ENOX1: variants seen among roughly 807,000 people sequenced by gnomAD.
ENOX1 encodes the protein candidate growth-related and time keeping constitutive hydroquinone (NADH) oxidase.
In ENOX1, 42 loss-of-function variants were observed where a neutral mutation model predicts 82.5. The observed-to-expected ratio is 0.51, with a 90% CI of 0.40 to 0.66. The LOEUF (loss-of-function observed/expected upper bound fraction) is 0.66. Among genes scored for constraint, ENOX1 ranks in the 30% least tolerant of loss-of-function variants. ENOX1 has a pLI of 0.00. For synonymous variants in ENOX1, 271 were observed against 282.2 expected (o/e 0.96, Z 0.40); for missense variants, 608 against 811.6 (o/e 0.75, Z 3.05).
intron 2 of ENOX1, among the ~76,000 whole-genome samples, chr13:43,647,838 A>G (rs1411697086): frequency 6.6e-6 from 1 of 152,238 alleles, no homozygotes; most frequent in Non-Finnish European, 1.5e-5. Context: ...AACTCAATCT[A>G]ATCACATCAG....
chr13:43,746,001 C>A (rs1950002554), intron 1 of ENOX1, among the ~76,000 whole-genome samples: 1 of 152,000 alleles, frequency 6.6e-6, no homozygotes, highest in Non-Finnish European at 1.5e-5. Context: ...TCTTTATTAG[C>A]AGCATGAGAA....
chr13:43,705,511 T>A (rs2087217702), intron 1 of ENOX1, among the ~76,000 whole-genome samples: 1 of 151,676 alleles, frequency 6.6e-6, no homozygotes. Context: ...ATTCCACATA[T>A]AAGAAAGCCT....
intron 2 of ENOX1, among the ~76,000 whole-genome samples, chr13:43,581,125 CTTTTTT>C (rs1174448355): frequency 5.2e-5 from 4 of 77,100 alleles, no homozygotes; most frequent in African/African-American, 2.1e-4. Flanking sequence ...CTACCTGATT[CTTTTTT>C]TTTTTTTTTT....
intron 2 of ENOX1, among the ~76,000 whole-genome samples, chr13:43,542,048 G>T (rs960894290): frequency 1.8e-4 from 27 of 152,186 alleles, no homozygotes; most frequent in African/African-American, 6.3e-4. Context: ...TCTGCAGAAC[G>T]TCAATAACAA....
intron 2 of ENOX1, among the ~76,000 whole-genome samples, chr13:43,626,227 C>CT (rs1215274040): frequency 6.6e-6 from 1 of 151,682 alleles, no homozygotes; most frequent in Non-Finnish European, 1.5e-5. Flanking sequence ...TGTATCCTCC[C>CT]TTTTTTGTCA....
At chr13:43,351,906 T>C (rs1032456762) in intron 8 of ENOX1, among the ~76,000 whole-genome samples, 13 of 152,172 alleles carry the variant, frequency 8.5e-5, no homozygotes, top group Non-Finnish European at 1.3e-4. Context: ...AAACGGCCTA[T>C]CTTGCCTCTA....
At chr13:43,518,604 T>G (rs980141636) in intron 2 of ENOX1, among the ~76,000 whole-genome samples, 2 of 152,126 alleles carry the variant, frequency 1.3e-5, no homozygotes, top group Non-Finnish European at 2.9e-5. Flanking sequence ...TCCAGACTTG[T>G]ATCACTAGAT....
chr13:43,347,838 TAGAATGTGC>T (rs2049491414), intron 8 of ENOX1, among the ~76,000 whole-genome samples: 1 of 152,232 alleles, frequency 6.6e-6, no homozygotes. Context: ...GTTTAGAAGC[TAGAATGTGC>T]AGATGTGCTT....
chr13:43,295,420 T>C (rs898505933), intron 12 of ENOX1, among the ~76,000 whole-genome samples: 1 of 152,218 alleles, frequency 6.6e-6, no homozygotes, highest in Non-Finnish European at 1.5e-5. Flanking sequence ...TTTTCCATGT[T>C]AGGAACCCTG....
chr13:43,276,473 C>T (rs1212332182), intron 12 of ENOX1, among the ~76,000 whole-genome samples: 1 of 152,148 alleles, frequency 6.6e-6, no homozygotes, highest in East Asian at 1.9e-4. Flanking sequence ...CCTGTTACAT[C>T]CCACCGCCCC....
At chr13:43,631,866 G>A (rs1032711395) in intron 2 of ENOX1, among the ~76,000 whole-genome samples, 9 of 152,116 alleles carry the variant, frequency 5.9e-5, no homozygotes, top group African/African-American at 9.7e-5. Context: ...TTGTAAAAAC[G>A]TGGCTTGTTG....
chr13:43,678,036 C>T (rs55885634), intron 1 of ENOX1, among the ~76,000 whole-genome samples: 13,327 of 152,108 alleles, frequency 0.088, 931 homozygotes, highest in East Asian at 0.26. Context: ...ATTTGATACC[C>T]TATTTACTTG....
intron 1 of ENOX1, among the ~76,000 whole-genome samples, chr13:43,781,128 T>C (rs1952233860): frequency 6.6e-6 from 1 of 152,240 alleles, no homozygotes; most frequent in Non-Finnish European, 1.5e-5. Flanking sequence ...CAAAATATCA[T>C]TGGCTAAGTT....
intron 5 of ENOX1, among the ~76,000 whole-genome samples, chr13:43,411,211 A>G (rs1040306045): frequency 6.6e-6 from 1 of 152,114 alleles, no homozygotes; most frequent in African/African-American, 2.4e-5. Flanking sequence ...TTTTCAATTT[A>G]GAGAGAAAGG....
intron 8 of ENOX1, among the ~76,000 whole-genome samples, chr13:43,352,550 A>G (rs1323930627): frequency 6.6e-6 from 1 of 152,164 alleles, no homozygotes; most frequent in Non-Finnish European, 1.5e-5. Flanking sequence ...GGTGTTATTG[A>G]GCTCCTTCCC....
rs760056253 is a variant in ENOX1, at chr13:43,224,141, G to A, written c.1715-3C>T. Reference sequence around the variant, plus strand: ...GTGAAGAAACGTTGATATGATACCTGAATTAAAAAGGCAAACATTGGAAAT... The same window carrying A: ...GTGAAGAAACGTTGATATGATACCTAAATTAAAAAGGCAAACATTGGAAAT... On this transcript the variant is annotated splice_polypyrimidine_tract_variant and splice_region_variant and intron_variant, in intron 15 of 16. Coordinates refer to ENST00000690772, the MANE Select transcript of ENOX1 (RefSeq NM_001347969.2). 6.2e-7 allele frequency: 1 copy of A among 1,610,844 alleles called. No homozygotes were observed. Among genetic ancestry groups the A allele is most frequent in the South Asian group, 1.1e-5 (1 of 90,928 alleles).
chr13:43,785,862 T>C (rs980320534), intron 1 of ENOX1, among the ~76,000 whole-genome samples: 1 of 151,156 alleles, frequency 6.6e-6, no homozygotes, highest in Non-Finnish European at 1.5e-5. Context: ...GGGGAGGACG[T>C]GGGGTGGTCT....
chr13:43,690,147 T>C (rs2086278903), intron 1 of ENOX1, among the ~76,000 whole-genome samples: 1 of 151,884 alleles, frequency 6.6e-6, no homozygotes, highest in Non-Finnish European at 1.5e-5. Context: ...TAGCCTCTTC[T>C]CTCTCTCTTT....
intron 5 of ENOX1, among the ~76,000 whole-genome samples, chr13:43,389,595 T>C (rs546807526): frequency 6.6e-6 from 1 of 152,278 alleles, no homozygotes; most frequent in East Asian, 1.9e-4. Context: ...AAAAATGACA[T>C]TATCCACAAT....
Sources: allele counts gnomAD v4.1 joint callset (sites outside exome capture counted in the v4.1 genomes callset), GRCh38; gene constraint gnomAD v4.1.1; transcripts MANE v1.5; gene names NCBI Gene and HGNC (gene_info 2026-07-23, HGNC 2026-07-21).